GOLM1: variants seen among roughly 807,000 people sequenced by gnomAD.
GOLM1 encodes the protein epididymis luminal protein 46.
Under a neutral mutation model 50.5 loss-of-function variants are expected in GOLM1, and 31 were observed. That is an observed-to-expected ratio of 0.61 (90% CI 0.46 to 0.83). The LOEUF (loss-of-function observed/expected upper bound fraction) is 0.83, where lower values mean the gene tolerates loss of function less well. Among genes scored for constraint, GOLM1 ranks in the 40% least tolerant of loss-of-function variants. GOLM1 has a pLI of 0.00. For synonymous variants in GOLM1, 178 were observed against 192.8 expected (o/e 0.92, Z 0.64); for missense variants, 491 against 501.3 (o/e 0.98, Z 0.20).
At chr9:86,089,718 G>A (rs529283333) in intron 1 of GOLM1, among the ~76,000 whole-genome samples, 29 of 152,116 alleles carry the variant, frequency 1.9e-4, no homozygotes, top group Middle Eastern at 3.4e-3. Context: ...CCTTTAGCTC[G>A]GAGGAGTTTA....
At chr9:86,067,312 C>T (rs1834335289) in intron 3 of GOLM1, among the ~76,000 whole-genome samples, 1 of 152,202 alleles carries the variant, frequency 6.6e-6, no homozygotes. Flanking sequence ...GAATGCACAC[C>T]TTTACAAGTG....
chr9:86,041,292 T>A (rs893243302), intron 5 of GOLM1, among the ~76,000 whole-genome samples: 1 of 152,108 alleles, frequency 6.6e-6, no homozygotes, highest in African/African-American at 2.4e-5. Context: ...TGGGGAAGGA[T>A]GGGCGTCAGA....
rs117966370 is a variant in GOLM1 at position 86,037,970 on chromosome 9, C to A, written c.598-1463G>T. On this transcript the variant is annotated intron_variant, in intron 6 of 9. Coordinates refer to ENST00000388712, the MANE Select transcript of GOLM1 (RefSeq NM_016548.4). ...GGGAGTTCAAGACCAGCTTGACCAA[C>A]ATGGAGAAACCCCGATATACTAAAA... Among the ~76,000 whole-genome samples, 386 of 152,082 alleles carry A rather than the reference C, an allele frequency of 2.5e-3. 1 individual carries two copies. Among genetic ancestry groups the A allele is most frequent in the Non-Finnish European group, 4.3e-3 (290 of 67,990 alleles).
chr9:86,036,494 C>T lies in GOLM1; in HGVS notation c.611G>A (p.Ser204Asn). The change falls in exon 7 of 10, where the codon AGT (serine) becomes AAT (asparagine). Residue 204 changes from serine (S) to asparagine (N), a missense_variant. Coordinates refer to ENST00000388712, the MANE Select transcript of GOLM1 (RefSeq NM_016548.4). ...NDQRQQLQAL[S>N]EPQPRLQAAG... ...TGCCTGCAGCCTGGGCTGAGGCTCA[C>T]TGAGGGCTTGGAGCTGAAACAGAAG... 1 of 1,613,986 alleles carries T rather than the reference C, an allele frequency of 6.2e-7. No individual in the cohort carries two copies. The highest frequency in any genetic ancestry group is 2.2e-5 in the East Asian group (1 of 44,852).
intron 3 of GOLM1, among the ~76,000 whole-genome samples, chr9:86,071,815 G>A (rs1356163055): frequency 6.6e-6 from 1 of 152,198 alleles, no homozygotes; most frequent in Non-Finnish European, 1.5e-5. Flanking sequence ...GTCCCAAACT[G>A]TAGTTGGCAA....
intron 1 of GOLM1, among the ~76,000 whole-genome samples, chr9:86,086,087 C>G (rs1310989311): frequency 6.6e-6 from 1 of 152,200 alleles, no homozygotes; most frequent in Non-Finnish European, 1.5e-5. Flanking sequence ...TACACTCCGA[C>G]CAACAGAGTA....
chr9:86,075,773 C>T (rs1479017373), intron 3 of GOLM1, among the ~76,000 whole-genome samples: 7 of 151,498 alleles, frequency 4.6e-5, no homozygotes, highest in Non-Finnish European at 2.9e-5. Flanking sequence ...ACTTGATGCT[C>T]TTTTTTTTCT....
At chr9:86,049,545 A>G (rs1221887592) in intron 4 of GOLM1, among the ~76,000 whole-genome samples, 1 of 152,082 alleles carries the variant, frequency 6.6e-6, no homozygotes, top group Admixed American at 6.5e-5. Flanking sequence ...CTTTTATTTC[A>G]TTGAGCAGTG....
chr9:86,088,238 T>C (rs953401117), intron 1 of GOLM1, among the ~76,000 whole-genome samples: 14 of 151,872 alleles, frequency 9.2e-5, no homozygotes, highest in Non-Finnish European at 2.1e-4. Flanking sequence ...GAGGTGTTTA[T>C]AGTATCCTCT....
Position 86,026,508 on chromosome 9 carries a change from G to C in GOLM1, c.*1309C>G, listed in dbSNP as rs148586244. ...TGCCAGCGCACCAGCTAGATGCTCT[G>C]TAACTTCTAGGCCCCATTTTCCCCT... is the stretch of plus-strand genomic sequence containing the variant. On this transcript the variant is annotated 3_prime_UTR_variant, in exon 10 of 10. Transcript: ENST00000388712. 5.4e-3 allele frequency: 4,774 copies of C among 882,486 alleles called. 20 individuals carry two copies. Among genetic ancestry groups the C allele is most frequent in the Non-Finnish European group, 6.0e-3 (4,381 of 736,070 alleles). 54.7% of individuals were successfully genotyped at this position (882,486 alleles called of 1,614,324 possible).
At chr9:86,036,806 C>A in intron 6 of GOLM1, 4 of 372,758 alleles carry the variant, frequency 1.1e-5, no homozygotes, top group African/African-American at 2.1e-5. Flanking sequence ...AGATCAACAA[C>A]AAAAAAGACA....
At chr9:86,052,675 C>A in intron 3 of GOLM1, 84 bp from the exon 4 acceptor site, 1 of 1,122,436 alleles carries the variant, frequency 8.9e-7, no homozygotes, top group Admixed American at 1.7e-5. Context: ...AATGATGGGG[C>A]CTGTCCCCAA....
At position 86,051,872 on chromosome 9, in the gene GOLM1, A is replaced by T. The variant is rs182471492; in HGVS notation, c.364+665T>A. ...TTCTTAGAACCTGACTTAGAACTAG[A>T]ATTCGAAACCAGCAATGACCAAAAG... On this transcript the variant is annotated intron_variant, in intron 4 of 9. Coordinates refer to ENST00000388712, the MANE Select transcript of GOLM1 (RefSeq NM_016548.4). Among the ~76,000 whole-genome samples the T allele has an allele frequency of 9.8e-5, 15 of 152,334 alleles. No homozygotes were observed. In the East Asian group the frequency reaches 2.9e-3, roughly 29 times the overall value.
Position 86,035,966 on chromosome 9 carries a change from G to T in GOLM1, c.758-341C>A, listed in dbSNP as rs182904717. Among the ~76,000 whole-genome samples the T allele has an allele frequency of 2.9e-3, 435 of 151,788 alleles. 5 individuals carry two copies. In the South Asian group the frequency reaches 0.032, roughly 11 times the overall value. ...ATCCTGCTGAGTGACCTGATCATCGGGTCCGCTGGAGCAAGCACTTGGGAG... is the reference window on the plus strand; with the variant it reads ...ATCCTGCTGAGTGACCTGATCATCGTGTCCGCTGGAGCAAGCACTTGGGAG... On this transcript the variant is annotated intron_variant, in intron 7 of 9. Coordinates refer to ENST00000388712, the MANE Select transcript of GOLM1 (RefSeq NM_016548.4).
At chr9:86,048,386 C>A (rs901625816) in intron 4 of GOLM1, among the ~76,000 whole-genome samples, 1 of 152,118 alleles carries the variant, frequency 6.6e-6, no homozygotes, top group African/African-American at 2.4e-5. Context: ...TGGGTATATA[C>A]CCAGTAATGG....
chr9:86,027,652 C>T lies in GOLM1; in HGVS notation c.*165G>A, dbSNP rs1468203842. On this transcript the variant is annotated 3_prime_UTR_variant, in exon 10 of 10. Coordinates refer to ENST00000388712, the MANE Select transcript of GOLM1 (RefSeq NM_016548.4). ...ACCCCCCAAAAGCTGTTTAAAAGAC[C>T]ATTCCATTTTTTCCTACACAAAGTG... is the stretch of plus-strand genomic sequence containing the variant. 2.1e-6 allele frequency: 3 copies of T among 1,396,412 alleles called. No homozygotes were observed. Among genetic ancestry groups the T allele is most frequent in the East Asian group, 2.7e-5 (1 of 36,662 alleles). The allele number at this position is 1,396,412 out of a possible 1,614,324, so 86.5% of individuals were successfully genotyped here.
intron 3 of GOLM1, among the ~76,000 whole-genome samples, chr9:86,070,520 G>C (rs953927176): frequency 5.9e-5 from 9 of 151,328 alleles, no homozygotes; most frequent in Non-Finnish European, 1.2e-4. Context: ...GCAGTGAGCT[G>C]AGATCATGCC....
intron 1 of GOLM1, among the ~76,000 whole-genome samples, chr9:86,090,183 C>A (rs1587743281): frequency 6.6e-6 from 1 of 152,146 alleles, no homozygotes; most frequent in Non-Finnish European, 1.5e-5. Flanking sequence ...GAGCTGTCAA[C>A]CCCTGCTAGG....
chr9:86,079,224 A>G lies in GOLM1; in HGVS notation c.97T>C (p.Trp33Arg). The G allele has an allele frequency of 6.2e-7, 1 of 1,606,596 alleles. No homozygotes were observed. Among genetic ancestry groups the G allele is most frequent in the Non-Finnish European group, 8.5e-7 (1 of 1,175,766 alleles). Residue 33 changes from tryptophan (W) to arginine (R), a missense_variant, in exon 2 of 10, where the codon TGG (tryptophan) becomes CGG (arginine). Transcript: ENST00000388712. ...TCCACGCTCCGGGAGCTCGCAATCC[A>G]GTAGTTGAAGCCCAAGACGATGATG... ...ACIIVLGFNY[W>R]IASSRSVDLQ...
Sources: allele counts gnomAD v4.1 joint callset (sites outside exome capture counted in the v4.1 genomes callset), GRCh38; gene constraint gnomAD v4.1.1; transcripts MANE v1.5; gene names NCBI Gene and HGNC (gene_info 2026-07-23, HGNC 2026-07-21).